PRKCQ: variants seen among roughly 807,000 people sequenced by gnomAD.
PRKCQ encodes protein kinase C theta.
A neutral mutation model predicts 91.2 loss-of-function variants in PRKCQ; 41 were observed. The observed-to-expected ratio is 0.45, with a 90% CI of 0.35 to 0.58. The LOEUF is 0.58. Ranked by LOEUF, PRKCQ falls within the 20% of genes least tolerant of loss-of-function variation. PRKCQ has a pLI of 0.00. For missense variants in PRKCQ, 673 were observed against 896.5 expected (o/e 0.75, Z 3.18); for synonymous variants, 307 against 316.9 (o/e 0.97, Z 0.33).
At chr10:6,468,360 T>C (rs1446512712) in intron 12 of PRKCQ, among the ~76,000 whole-genome samples, 2 of 152,178 alleles carry the variant, frequency 1.3e-5, no homozygotes, top group Non-Finnish European at 2.9e-5. Context: ...ATAAAGAGAA[T>C]GGAAAAGTGT....
chr10:6,476,686 G>A (rs550414463), intron 12 of PRKCQ, among the ~76,000 whole-genome samples: 4 of 151,920 alleles, frequency 2.6e-5, no homozygotes, highest in East Asian at 1.9e-4. Flanking sequence ...CCAATTTTTC[G>A]CTACTATGAA....
At chr10:6,473,507 C>T (rs928206200) in intron 12 of PRKCQ, among the ~76,000 whole-genome samples, 7 of 152,324 alleles carry the variant, frequency 4.6e-5, no homozygotes, top group South Asian at 2.1e-4. Flanking sequence ...GAAATAACAA[C>T]GTGTAAGCGT....
chr10:6,428,768 C>T (rs371302173), intron 17 of PRKCQ, among the ~76,000 whole-genome samples: 1 of 151,792 alleles, frequency 6.6e-6, no homozygotes, highest in East Asian at 1.9e-4. Context: ...GGGGTGTGAG[C>T]GGAGGGATGG....
In PRKCQ at chr10:6,491,764, A is replaced by G; in HGVS notation, c.709T>C (p.Tyr237His). The change falls in exon 8 of 18, where the codon TAC becomes CAC. Residue 237 changes from tyrosine to histidine, a missense_variant. Tyr to His is a moderately conservative substitution (Grantham distance 83). Coordinates refer to ENST00000263125, the MANE Select transcript of PRKCQ (RefSeq NM_006257.5). The stretch of plus-strand genomic sequence containing the variant: ...CAGAAGGTCGGGCTCTTGTAATTGT[A>G]GACTTTAAATCTGTGTGGCATGTCA... ...KIDMPHRFKV[Y>H]NYKSPTFCEH... 3.1e-6 allele frequency: 5 copies of G among 1,614,202 alleles called. No homozygotes were observed. Among genetic ancestry groups the G allele is most frequent in the Non-Finnish European group, 4.2e-6 (5 of 1,180,034 alleles).
chr10:6,570,413 A>T (rs1231009223), intron 1 of PRKCQ, among the ~76,000 whole-genome samples: 1 of 152,116 alleles, frequency 6.6e-6, no homozygotes, highest in African/African-American at 2.4e-5. Flanking sequence ...CTTAATACAG[A>T]GAGAATGGGG....
chr10:6,563,783 G>T (rs1482432121), intron 1 of PRKCQ, among the ~76,000 whole-genome samples: 1 of 152,188 alleles, frequency 6.6e-6, no homozygotes, highest in East Asian at 1.9e-4. Flanking sequence ...CTCTGCTCAA[G>T]CCGAGGGCTA....
rs886302235 is a variant in PRKCQ at position 6,569,639 on chromosome 10, G to A, written c.-10+10572C>T. ...GCTGCCTGTAATTAGAGCAGAGGTG[G>A]TGGGAGTGTGACAGGCTGGAGGGAA... On this transcript the variant is annotated intron_variant, in intron 1 of 17. Transcript: ENST00000263125. 6.6e-5 allele frequency among the ~76,000 whole-genome samples: 10 copies of A among 152,274 alleles called. No individual in the cohort carries two copies. In the East Asian group the frequency reaches 9.6e-4, roughly 15 times the overall value.
the PRKCQ span, among the ~76,000 whole-genome samples, chr10:6,395,075 T>C: frequency 0.53 from 71,835 of 135,724 alleles, 18,576 homozygotes; most frequent in East Asian, 0.92. Flanking sequence ...TTTTTTTTTT[T>C]TTTTTGAGAC....
intron 1 of PRKCQ, among the ~76,000 whole-genome samples, chr10:6,571,709 C>T (rs1841050517): frequency 6.6e-6 from 1 of 152,060 alleles, no homozygotes; most frequent in South Asian, 2.1e-4. Context: ...TCGAGGCTGA[C>T]ACAATAATTG....
At chr10:6,449,624 A>G (rs1315191570) in intron 15 of PRKCQ, among the ~76,000 whole-genome samples, 2 of 152,110 alleles carry the variant, frequency 1.3e-5, no homozygotes, top group Non-Finnish European at 2.9e-5. Flanking sequence ...TCCAAGACAC[A>G]TAATTGTCAG....
At chr10:6,448,802 T>C (rs1834473908) in intron 15 of PRKCQ, among the ~76,000 whole-genome samples, 1 of 152,152 alleles carries the variant, frequency 6.6e-6, no homozygotes, top group Non-Finnish European at 1.5e-5. Flanking sequence ...CAGACACCGC[T>C]GCTGATACCC....
At chr10:6,560,722 A>G (rs1840595663) in intron 1 of PRKCQ, among the ~76,000 whole-genome samples, 1 of 152,208 alleles carries the variant, frequency 6.6e-6, no homozygotes, top group Non-Finnish European at 1.5e-5. Context: ...AAAACAAAGT[A>G]TAGGTTTCTT....
intron 8 of PRKCQ, among the ~76,000 whole-genome samples, chr10:6,488,531 G>A (rs573645537): frequency 2.6e-5 from 4 of 151,982 alleles, no homozygotes; most frequent in African/African-American, 7.2e-5. Flanking sequence ...GATTACAGGC[G>A]CCCATCACCA....
the PRKCQ span, among the ~76,000 whole-genome samples, chr10:6,407,451 A>G: frequency 6.8e-6 from 1 of 147,674 alleles, no homozygotes; most frequent in Non-Finnish European, 1.5e-5. This position sits in a 1 kb window ranked among gnomAD's most constrained non-coding sequence, Gnocchi z 4.0. Flanking sequence ...GCATGCATGC[A>G]TGTGTGGTGT....
chr10:6,438,592 A>G (rs1833811173), intron 16 of PRKCQ, among the ~76,000 whole-genome samples: 1 of 152,024 alleles, frequency 6.6e-6, no homozygotes, highest in East Asian at 1.9e-4. Flanking sequence ...TAGATGTGCT[A>G]GACTCTTTTT....
rs143922568 is a variant in PRKCQ at position 6,432,681 on chromosome 10, A to G, written c.1837-1743T>C. Among the ~76,000 whole-genome samples, 429 of 152,242 alleles carry G rather than the reference A, an allele frequency of 2.8e-3. 1 individual carries two copies. Among genetic ancestry groups the G allele is most frequent in the African/African-American group, 9.9e-3 (410 of 41,522 alleles). ...TGTAAAGGAAGGGCTAGACAAGGTG[A>G]TCTCTAGGGCTTGGAGAGTTCTGAC... On this transcript the variant is annotated intron_variant, in intron 16 of 17. Transcript: ENST00000263125.
intron 1 of PRKCQ, among the ~76,000 whole-genome samples, chr10:6,520,274 C>G (rs1255705433): frequency 6.6e-6 from 1 of 152,180 alleles, no homozygotes; most frequent in Non-Finnish European, 1.5e-5. Context: ...GGTGCCGCGA[C>G]GCCCGGCCCT....
At chr10:6,444,245 A>G (rs1353542588) in intron 15 of PRKCQ, among the ~76,000 whole-genome samples, 1 of 151,914 alleles carries the variant, frequency 6.6e-6, no homozygotes, top group Non-Finnish European at 1.5e-5. Flanking sequence ...TAATTTTTGT[A>G]TTTTTGGTAG....
At chr10:6,572,692 T>A (rs545181896) in intron 1 of PRKCQ, among the ~76,000 whole-genome samples, 2 of 152,374 alleles carry the variant, frequency 1.3e-5, no homozygotes, top group East Asian at 3.9e-4. Flanking sequence ...GTAATGAACA[T>A]ACGTGTGCAT....
Sources: gnomAD v4.1 joint callset for allele counts (sites outside exome capture counted in the v4.1 genomes callset) on GRCh38, gnomAD v4.1.1 for gene constraint, Gnocchi (gnomAD v3.1) non-coding constraint, MANE v1.5 for transcripts, NCBI Gene and HGNC (gene_info 2026-07-23, HGNC 2026-07-21) for gene names.